The following WDFY2 variants were observed in gnomAD, a reference collection of about 807,000 sequenced individuals.
WDFY2 encodes WD repeat and FYVE domain-containing protein 2.
A neutral mutation model predicts 56.4 loss-of-function variants in WDFY2; 36 were observed. That is an observed-to-expected ratio of 0.64 (90% CI 0.49 to 0.84). WDFY2 has a LOEUF of 0.84. WDFY2 is among the 40% of genes least tolerant of loss of function. The probability of loss-of-function intolerance (pLI) is 0.00; values close to 1 mark genes in which losing one functional copy is unlikely to be tolerated. For synonymous variants in WDFY2, 176 were observed against 183.7 expected (o/e 0.96, Z 0.34); for missense variants, 444 against 512.2 (o/e 0.87, Z 1.29).
chr13:51,630,703 TTA>T (rs1954935586), intron 1 of WDFY2, among the ~76,000 whole-genome samples: 1 of 152,082 alleles, frequency 6.6e-6, no homozygotes. Context: ...GCTTTTTGTG[TTA>T]TGTTTTCAAG....
chr13:51,669,953 T>TG (rs1481196002), intron 2 of WDFY2, among the ~76,000 whole-genome samples: 2 of 152,230 alleles, frequency 1.3e-5, no homozygotes, highest in Non-Finnish European at 2.9e-5. Context: ...AGGAAGTCAG[T>TG]GGAGGGCAGC....
chr13:51,594,782 G>T (rs1325631415), intron 1 of WDFY2, among the ~76,000 whole-genome samples: 1 of 152,186 alleles, frequency 6.6e-6, no homozygotes, highest in African/African-American at 2.4e-5. Flanking sequence ...TTGTTGGGAG[G>T]TTTACATGAG....
intron 4 of WDFY2, 52 bp from the exon 5 acceptor site, chr13:51,719,146 C>G (rs946832612): frequency 1.9e-6 from 3 of 1,612,064 alleles, no homozygotes; most frequent in Non-Finnish European, 2.5e-6. Context: ...CCATGTTCTT[C>G]CAACCTCCTT....
chr13:51,622,853 CTTTTTTTTTTTTT>C (rs59372497), intron 1 of WDFY2, among the ~76,000 whole-genome samples: 5 of 130,970 alleles, frequency 3.8e-5, no homozygotes, highest in African/African-American at 1.5e-4. Flanking sequence ...TAACTTTACA[CTTTTTTTTTTTTT>C]TTTTTTTTTG....
chr13:51,747,361 T>G (rs1953127159), intron 7 of WDFY2, among the ~76,000 whole-genome samples: 1 of 152,232 alleles, frequency 6.6e-6, no homozygotes, highest in African/African-American at 2.4e-5. Context: ...TCAGGAAATC[T>G]CCACAGTCTT....
rs549861063 is a variant in WDFY2 at position 51,762,995 on chromosome 13, A to G, written c.*3226A>G. 4 of 152,202 alleles carry G rather than the reference A, an allele frequency of 2.6e-5. No individual in the cohort carries two copies. Among genetic ancestry groups the G allele is most frequent in the Admixed American group, 6.5e-5 (1 of 15,274 alleles). The allele number at this position is 152,202 out of a possible 1,614,324, so 9.4% of individuals were successfully genotyped here. ...TCTTATGTCATTTTGTATGGGGTCA[A>G]TCCACCATAACGTGTTTCTCATTTG... On this transcript the variant is annotated 3_prime_UTR_variant, in exon 12 of 12. Transcript: ENST00000298125.
intron 3 of WDFY2, among the ~76,000 whole-genome samples, chr13:51,681,073 A>T (rs1357236596): frequency 1.3e-5 from 2 of 152,176 alleles, no homozygotes; most frequent in African/African-American, 4.8e-5. Context: ...TAACGAGCCT[A>T]TGGGGAACTG....
intron 2 of WDFY2, among the ~76,000 whole-genome samples, chr13:51,671,605 C>T: frequency 6.6e-6 from 1 of 151,824 alleles, no homozygotes; most frequent in Non-Finnish European, 1.5e-5. Context: ...GTAGATTCTG[C>T]ATATTAGTCC....
At chr13:51,695,138 T>C (rs1438057633) in intron 3 of WDFY2, among the ~76,000 whole-genome samples, 1 of 152,228 alleles carries the variant, frequency 6.6e-6, no homozygotes, top group Non-Finnish European at 1.5e-5. Flanking sequence ...TTTCCTCCTG[T>C]AGCTTGGAGT....
At chr13:51,740,642 A>AG (rs564709126) in intron 7 of WDFY2, among the ~76,000 whole-genome samples, 223 of 146,074 alleles carry the variant, frequency 1.5e-3, no homozygotes, top group African/African-American at 5.1e-3. Flanking sequence ...TGAACCCAGG[A>AG]GGTGGAGGTC....
intron 5 of WDFY2, among the ~76,000 whole-genome samples, chr13:51,726,143 G>A (rs943990015): frequency 6.6e-6 from 1 of 152,158 alleles, no homozygotes; most frequent in African/African-American, 2.4e-5. Flanking sequence ...ACATGCACAT[G>A]CACACACATA....
At chr13:51,715,993 G>A (rs570929100) in intron 4 of WDFY2, among the ~76,000 whole-genome samples, 8 of 152,300 alleles carry the variant, frequency 5.3e-5, no homozygotes, top group South Asian at 2.1e-4. Flanking sequence ...ATGTCCATCA[G>A]TGATGAATGG....
intron 8 of WDFY2, among the ~76,000 whole-genome samples, chr13:51,754,473 G>A (rs1953316957): frequency 6.6e-6 from 1 of 152,206 alleles, no homozygotes; most frequent in Non-Finnish European, 1.5e-5. Context: ...GGAGTTTTCT[G>A]ACATCCCACA....
At chr13:51,693,486 A>T (rs962745836) in intron 3 of WDFY2, among the ~76,000 whole-genome samples, 2 of 151,932 alleles carry the variant, frequency 1.3e-5, no homozygotes, top group Non-Finnish European at 2.9e-5. Flanking sequence ...CATGTAGTTG[A>T]GCCGTTTTGA....
Position 51,743,960 on chromosome 13 carries a change from A to G in WDFY2, c.725+4785A>G, listed in dbSNP as rs908622450. 5.9e-5 allele frequency among the ~76,000 whole-genome samples: 9 copies of G among 152,366 alleles called. 1 individual carries two copies. In the South Asian group the frequency reaches 1.9e-3, roughly 32 times the overall value. ...GCCTAATCTGAACCTCCACCCTGCC[A>G]CCAAACAGCAGAACATCGCTGGTGC... On this transcript the variant is annotated intron_variant, in intron 7 of 11. Transcript: ENST00000298125.
intron 4 of WDFY2, among the ~76,000 whole-genome samples, chr13:51,718,901 G>A (rs755781331): frequency 2.0e-5 from 3 of 152,238 alleles, no homozygotes; most frequent in Non-Finnish European, 2.9e-5. Context: ...AGGCCCTTTG[G>A]TTACAGGAGC....
chr13:51,653,825 T>TGCCTCCCAGTTAGGCTACTTGGGGGTC (rs1955453993), intron 1 of WDFY2, among the ~76,000 whole-genome samples: 1 of 152,024 alleles, frequency 6.6e-6, no homozygotes, highest in Non-Finnish European at 1.5e-5. Flanking sequence ...TACTGGGGGG[T>TGCCTCCCAGTTAGGCTACTTGGGGGTC]GCCTCCCAGT....
intron 1 of WDFY2, among the ~76,000 whole-genome samples, chr13:51,585,799 G>A (rs1027738548): frequency 6.6e-6 from 1 of 152,228 alleles, no homozygotes; most frequent in Non-Finnish European, 1.5e-5. Context: ...CAGAGGTAAA[G>A]TATCCTTTCT....
chr13:51,729,411 TA>T (rs766653299), intron 6 of WDFY2, among the ~76,000 whole-genome samples: 1,876 of 136,804 alleles, frequency 0.014, 17 homozygotes, highest in African/African-American at 0.039. Flanking sequence ...ATAGAAGCTT[TA>T]AAAAAAAAAA....
Sources: gnomAD v4.1 joint callset for allele counts (sites outside exome capture counted in the v4.1 genomes callset) on GRCh38, gnomAD v4.1.1 for gene constraint, MANE v1.5 for transcripts, NCBI Gene and HGNC (gene_info 2026-07-23, HGNC 2026-07-21) for gene names.